Variants in ANKRD30B observed in about 807,000 individuals in gnomAD.
ANKRD30B encodes the protein ankyrin repeat domain 30B.
In ANKRD30B, 144 loss-of-function variants were observed where a neutral mutation model predicts 202.2. That is an observed-to-expected ratio of 0.71 (90% CI 0.62 to 0.82). ANKRD30B has a LOEUF of 0.82. ANKRD30B is among the 40% of genes least tolerant of loss of function. The pLI, the probability that ANKRD30B is intolerant of heterozygous loss-of-function variation, is 0.00. For missense variants in ANKRD30B, 1,487 were observed against 1,669.1 expected, an observed-to-expected ratio of 0.89 and a Z score of 1.90; for synonymous variants, 508 against 561.3, an observed-to-expected ratio of 0.91 and a Z score of 1.34.
intron 8 of ANKRD30B, 47 bp from the exon 9 acceptor site, chr18:14,772,109 T>C: frequency 8.0e-7 from 1 of 1,254,932 alleles, no homozygotes; most frequent in Non-Finnish European, 1.1e-6. Flanking sequence ...ATTTTCTTTT[T>C]AAATATATGA....
At chr18:14,787,958 A>G (rs1268954003) in intron 15 of ANKRD30B, among the ~76,000 whole-genome samples, 1 of 152,306 alleles carries the variant, frequency 6.6e-6, no homozygotes, top group East Asian at 1.9e-4. Flanking sequence ...TACTGCATTT[A>G]CATTCTATTC....
At chr18:14,828,208 A>T (rs998093864) in intron 32 of ANKRD30B, 70 bp from the exon 33 acceptor site, 24 of 1,213,578 alleles carry the variant, frequency 2.0e-5, no homozygotes, top group Non-Finnish European at 2.8e-5. Flanking sequence ...GTGCCCTCTT[A>T]TGTTTTTAAT....
intron 39 of ANKRD30B, among the ~76,000 whole-genome samples, chr18:14,847,093 T>TGG (rs1555672684): frequency 1.1e-4 from 15 of 131,408 alleles, no homozygotes; most frequent in African/African-American, 4.3e-4. Context: ...TATATATATA[T>TGG]GTATAATGTT....
the ANKRD30B span, among the ~76,000 whole-genome samples, chr18:14,934,148 G>C: frequency 2.0e-5 from 3 of 152,242 alleles, no homozygotes; most frequent in Non-Finnish European, 4.4e-5. Context: ...CCCTGGAGCA[G>C]GTCTGCTGAC....
At position 14,763,706 on chromosome 18, in the gene ANKRD30B, C is replaced by T. The variant is rs970678379; in HGVS notation, c.841C>T (p.Pro281Ser). Residue 281 changes from proline to serine, a missense_variant, in exon 7 of 44, where the codon CCT (proline) becomes TCT (serine). Physicochemically the swap from Pro to Ser is moderately conservative, Grantham distance 74. This residue lies in a region of ANKRD30B where 889 missense variants were observed against 841.4 expected (regional missense o/e 1.06). Transcript: ENST00000690538. ...GGCAGAAGGAACATCTACAGGAACA[C>T]CTGATGAGGCTGCACCCTTGGCGGA... ...TNPEGTSTGT[P>S]DEAAPLAERT... is the part of the protein sequence containing the mutation. 9.3e-6 allele frequency: 15 copies of T among 1,613,820 alleles called. No individual in the cohort carries two copies. Among genetic ancestry groups the T allele is most frequent in the Admixed American group, 3.3e-5 (2 of 59,958 alleles).
At chr18:14,800,204 G>T (rs1260774584) in intron 22 of ANKRD30B, among the ~76,000 whole-genome samples, 2 of 150,946 alleles carry the variant, frequency 1.3e-5, no homozygotes, top group Non-Finnish European at 2.9e-5. Flanking sequence ...TTTAGCCTGA[G>T]TGACAGAGTG....
intron 14 of ANKRD30B, among the ~76,000 whole-genome samples, chr18:14,785,787 A>G (rs1157362464): frequency 2.0e-5 from 3 of 152,212 alleles, no homozygotes; most frequent in Non-Finnish European, 4.4e-5. Flanking sequence ...TTTGAAAACC[A>G]GGTAGATTTG....
chr18:14,826,584 C>T (rs1970667538), intron 32 of ANKRD30B, among the ~76,000 whole-genome samples: 1 of 151,684 alleles, frequency 6.6e-6, no homozygotes, highest in Admixed American at 6.6e-5. Flanking sequence ...TTGTCAAAAC[C>T]TAAGGGTCAT....
At chr18:14,770,177 G>T (rs1193386127) in intron 8 of ANKRD30B, among the ~76,000 whole-genome samples, 2 of 150,932 alleles carry the variant, frequency 1.3e-5, no homozygotes, top group African/African-American at 4.9e-5. Context: ...TCTCTGCTTT[G>T]CTTGGTGTTC....
chr18:14,826,693 T>TCTCACACACACA (rs762792279), intron 32 of ANKRD30B, among the ~76,000 whole-genome samples: 19,206 of 124,632 alleles, frequency 0.15, 1,804 homozygotes, highest in Non-Finnish European at 0.21. Context: ...TCTCTCTCTC[T>TCTCACACACACA]CACACACACA....
At chr18:14,872,704 C>T in the ANKRD30B span, among the ~76,000 whole-genome samples, 1 of 152,094 alleles carries the variant, frequency 6.6e-6, no homozygotes, top group Non-Finnish European at 1.5e-5. Context: ...TTTCTTAATG[C>T]TCCCCACACA....
At chr18:14,921,826 C>T in the ANKRD30B span, among the ~76,000 whole-genome samples, 53 of 152,056 alleles carry the variant, frequency 3.5e-4, no homozygotes, top group African/African-American at 1.1e-3. Flanking sequence ...AGGCAATTGG[C>T]GGTTCTCAGT....
intron 32 of ANKRD30B, among the ~76,000 whole-genome samples, chr18:14,827,860 T>C (rs1970729155): frequency 6.6e-6 from 1 of 152,168 alleles, no homozygotes; most frequent in Admixed American, 6.5e-5. Flanking sequence ...ATAAATTCCA[T>C]TTTTCCTTGC....
At chr18:14,939,381 C>A in the ANKRD30B span, among the ~76,000 whole-genome samples, 1 of 152,168 alleles carries the variant, frequency 6.6e-6, no homozygotes, top group African/African-American at 2.4e-5. Flanking sequence ...GCCCAGGGAG[C>A]CTCCTCACAC....
chr18:14,791,551 G>A, intron 16 of ANKRD30B, 60 bp downstream of exon 16: 1 of 1,348,978 alleles, frequency 7.4e-7, no homozygotes, highest in South Asian at 1.2e-5. Context: ...AACTGATGAG[G>A]AAGGATATCC....
At chr18:14,866,585 G>T in the ANKRD30B span, among the ~76,000 whole-genome samples, 1 of 152,206 alleles carries the variant, frequency 6.6e-6, no homozygotes, top group Non-Finnish European at 1.5e-5. Context: ...CCTGGTTGCG[G>T]TTGGTGGTGG....
At position 14,772,171 on chromosome 18, in the gene ANKRD30B, G is replaced by C; in HGVS notation, c.1272G>C (p.Arg424=). 6.7e-7 allele frequency: 1 copy of C among 1,500,654 alleles called. No individual in the cohort carries two copies. Among genetic ancestry groups the C allele is most frequent in the South Asian group, 1.3e-5 (1 of 74,570 alleles). The allele number at this position is 1,500,654 out of a possible 1,614,324, so 93.0% of individuals were successfully genotyped here. A position where few individuals can be genotyped will look rare whatever the true frequency, so the allele number is the denominator to read the frequency against. ...TTCTTTAAAGTCTTTTTGGCACACGGACTATTGAAAATTCACAGTGTACAA... is the reference window on the plus strand; with the variant it reads ...TTCTTTAAAGTCTTTTTGGCACACGCACTATTGAAAATTCACAGTGTACAA... ...VEPIFSLFGT[R]TIENSQCTKV... Residue 424 remains arginine, a synonymous_variant, in exon 9 of 44, where the codon CGG becomes CGC. Transcript: ENST00000690538.
At chr18:14,797,712 C>A (rs375874413) in intron 19 of ANKRD30B, 23 bp downstream of exon 19, 2 of 1,608,942 alleles carry the variant, frequency 1.2e-6, no homozygotes, top group Admixed American at 1.7e-5. Flanking sequence ...ATGTCTCTAT[C>A]TTGAATATTA....
the ANKRD30B span, among the ~76,000 whole-genome samples, chr18:14,907,129 T>C: frequency 6.6e-6 from 1 of 152,084 alleles, no homozygotes; most frequent in African/African-American, 2.4e-5. Context: ...ATCAGACTTA[T>C]GGTCTGTGTT....
Sources: allele counts gnomAD v4.1 joint callset (sites outside exome capture counted in the v4.1 genomes callset), GRCh38; gene constraint gnomAD v4.1.1; regional missense constraint gnomAD v4.1.1; transcripts MANE v1.5; gene names NCBI Gene and HGNC (gene_info 2026-07-23, HGNC 2026-07-21).